Variants in SLC24A2 observed in about 807,000 individuals in gnomAD.
SLC24A2 encodes sodium/potassium/calcium exchanger 2.
SLC24A2 carries 36 observed loss-of-function variants against 62.0 expected under a neutral mutation model. The observed-to-expected ratio is 0.58, with a 90% CI of 0.44 to 0.77. The LOEUF (loss-of-function observed/expected upper bound fraction) is 0.77, where lower values mean the gene tolerates loss of function less well. Among genes scored for constraint, SLC24A2 ranks in the 30% least tolerant of loss-of-function variants. The pLI, the probability that SLC24A2 is intolerant of heterozygous loss-of-function variation, is 0.00. For missense variants in SLC24A2, 846 were observed against 817.9 expected (o/e 1.03, Z -0.42); for synonymous variants, 358 against 294.0 (o/e 1.22, Z -2.23).
chr9:19,554,876 C>G (rs952347018), intron 7 of SLC24A2, among the ~76,000 whole-genome samples: 10 of 152,176 alleles, frequency 6.6e-5, no homozygotes, highest in Non-Finnish European at 1.2e-4. Flanking sequence ...TAATCAGAAA[C>G]TGATGACTGA....
the SLC24A2 span, among the ~76,000 whole-genome samples, chr9:20,107,265 C>T: frequency 6.6e-6 from 1 of 151,996 alleles, no homozygotes; most frequent in African/African-American, 2.4e-5. Flanking sequence ...AATGGCCATA[C>T]TGTCCAAGGT....
intron 7 of SLC24A2, among the ~76,000 whole-genome samples, chr9:19,552,212 C>G (rs534845061): frequency 6.6e-6 from 1 of 152,306 alleles, no homozygotes; most frequent in African/African-American, 2.4e-5. Context: ...GCTCTGGTCC[C>G]TCTTCTATGC....
intron 2 of SLC24A2, among the ~76,000 whole-genome samples, chr9:19,648,646 A>C (rs1587093618): frequency 6.6e-6 from 1 of 152,342 alleles, no homozygotes; most frequent in East Asian, 1.9e-4. Flanking sequence ...TAGGATAAGC[A>C]TTATTTAATT....
the SLC24A2 span, among the ~76,000 whole-genome samples, chr9:20,088,675 C>T: frequency 1.3e-5 from 2 of 152,124 alleles, no homozygotes; most frequent in Non-Finnish European, 2.9e-5. Flanking sequence ...GCAGACCCCC[C>T]CAAAGCAATA....
chr9:19,689,621 ATCT>A (rs1163448271), intron 2 of SLC24A2, among the ~76,000 whole-genome samples: 1 of 152,052 alleles, frequency 6.6e-6, no homozygotes, highest in Non-Finnish European at 1.5e-5. Flanking sequence ...ATCTAATATA[ATCT>A]TCATCATAAA....
intron 8 of SLC24A2, among the ~76,000 whole-genome samples, chr9:19,547,785 C>T (rs1834655816): frequency 6.6e-6 from 1 of 151,468 alleles, no homozygotes; most frequent in African/African-American, 2.5e-5. Context: ...GATTTTCCTC[C>T]CTAGGGCCAC....
the SLC24A2 span, among the ~76,000 whole-genome samples, chr9:20,115,227 A>T: frequency 2.6e-5 from 4 of 152,138 alleles, no homozygotes; most frequent in Non-Finnish European, 4.4e-5. Context: ...GTCTCAGGTA[A>T]TGTCCCTCAG....
the SLC24A2 span, among the ~76,000 whole-genome samples, chr9:20,237,855 TCTC>T: frequency 1.3e-5 from 2 of 152,122 alleles, no homozygotes; most frequent in African/African-American, 4.8e-5. Flanking sequence ...ATAGAAGTAG[TCTC>T]CTCATTTCCC....
chr9:20,090,460 G>T, the SLC24A2 span, among the ~76,000 whole-genome samples: 3 of 152,246 alleles, frequency 2.0e-5, no homozygotes, highest in East Asian at 5.8e-4. Flanking sequence ...GAGGGAGCAC[G>T]ATTGCAATTG....
intron 2 of SLC24A2, among the ~76,000 whole-genome samples, chr9:19,740,279 A>G (rs1268634884): frequency 6.6e-6 from 1 of 152,216 alleles, no homozygotes; most frequent in Non-Finnish European, 1.5e-5. Flanking sequence ...ATGTATAACA[A>G]TGTTCATAGT....
At chr9:19,671,708 T>C (rs1313201770) in intron 2 of SLC24A2, among the ~76,000 whole-genome samples, 1 of 152,192 alleles carries the variant, frequency 6.6e-6, no homozygotes, top group Non-Finnish European at 1.5e-5. Flanking sequence ...AGATGGCTTT[T>C]ATTATCTTAA....
At chr9:19,827,617 G>A in the SLC24A2 span, among the ~76,000 whole-genome samples, 1 of 151,940 alleles carries the variant, frequency 6.6e-6, no homozygotes, top group Non-Finnish European at 1.5e-5. Flanking sequence ...GTTTAATGTG[G>A]CATCTCTGTG....
chr9:20,117,829 T>C, the SLC24A2 span, among the ~76,000 whole-genome samples: 1 of 152,178 alleles, frequency 6.6e-6, no homozygotes. Flanking sequence ...CCTCATTTAA[T>C]TCTCCTGAAA....
chr9:19,876,510 C>T, the SLC24A2 span, among the ~76,000 whole-genome samples: 1 of 151,960 alleles, frequency 6.6e-6, no homozygotes, highest in African/African-American at 2.4e-5. Flanking sequence ...CTGGTTAAGT[C>T]AGATCAGCAG....
intron 2 of SLC24A2, among the ~76,000 whole-genome samples, chr9:19,679,605 C>T (rs906796766): frequency 4.6e-5 from 7 of 151,980 alleles, no homozygotes; most frequent in Non-Finnish European, 1.0e-4. Flanking sequence ...CTATTGAGGG[C>T]CCAAATGGAA....
At chr9:20,018,406 C>T in the SLC24A2 span, among the ~76,000 whole-genome samples, 6 of 152,246 alleles carry the variant, frequency 3.9e-5, no homozygotes, top group Admixed American at 2.6e-4. Context: ...GGAATTGCCA[C>T]GAGGATAATC....
chr9:19,833,126 C>G, the SLC24A2 span, among the ~76,000 whole-genome samples: 6 of 152,110 alleles, frequency 3.9e-5, no homozygotes, highest in Admixed American at 6.5e-5. Flanking sequence ...AGGAACAGCT[C>G]CAGTCTACAG....
chr9:20,009,170 T>C, the SLC24A2 span, among the ~76,000 whole-genome samples: 2 of 152,040 alleles, frequency 1.3e-5, no homozygotes, highest in Non-Finnish European at 2.9e-5. Context: ...TGGGACCCTG[T>C]GAAAGAGGCT....
At chr9:19,642,665 C>G (rs7044000) in intron 2 of SLC24A2, among the ~76,000 whole-genome samples, 2 of 130,026 alleles carry the variant, frequency 1.5e-5, no homozygotes, top group Admixed American at 8.1e-5. Flanking sequence ...TATATGAGAG[C>G]GTATTCTTTT....
Sources: gnomAD v4.1 joint callset for allele counts (sites outside exome capture counted in the v4.1 genomes callset) on GRCh38, gnomAD v4.1.1 for gene constraint, MANE v1.5 for transcripts, NCBI Gene and HGNC (gene_info 2026-07-23, HGNC 2026-07-21) for gene names.